The following SYTL2 variants were observed in gnomAD, a reference collection of about 807,000 sequenced individuals.
SYTL2 encodes the protein synaptotagmin-like protein 2.
A neutral mutation model predicts 198.7 loss-of-function variants in SYTL2; 165 were observed. The observed-to-expected ratio is 0.83, with a 90% CI of 0.73 to 0.94. SYTL2 has a LOEUF of 0.94. SYTL2 is among the 40% of genes least tolerant of loss of function. The pLI, the probability that SYTL2 is intolerant of heterozygous loss-of-function variation, is 0.00. For synonymous variants in SYTL2, 966 were observed against 917.7 expected (o/e 1.05, Z -0.95); for missense variants, 2,835 against 2,582.8 (o/e 1.10, Z -2.12).
chr11:85,777,324 A>G (rs545889899), intron 1 of SYTL2, among the ~76,000 whole-genome samples: 107 of 152,318 alleles, frequency 7.0e-4, no homozygotes, highest in Non-Finnish European at 1.1e-3. Context: ...GGTGAAAACA[A>G]CTAATCTTGG....
intron 1 of SYTL2, among the ~76,000 whole-genome samples, chr11:85,776,939 G>A (rs189863665): frequency 6.6e-6 from 1 of 152,286 alleles, no homozygotes; most frequent in Admixed American, 6.5e-5. Flanking sequence ...GAGGGGTAGT[G>A]AAGAGATCAG....
the SYTL2 span, chr11:85,852,946 C>T: frequency 5.5e-5 from 17 of 306,900 alleles, no homozygotes; most frequent in African/African-American, 2.1e-4. Flanking sequence ...TCTACCCGGC[C>T]GCCCCGTCTG....
chr11:85,815,720 G>A (rs1291469214), upstream of SYTL2, among the ~76,000 whole-genome samples: 2 of 152,156 alleles, frequency 1.3e-5, no homozygotes, highest in African/African-American at 2.4e-5. Flanking sequence ...CAAAGTCAAG[G>A]TTAGGACCCA....
the SYTL2 span, among the ~76,000 whole-genome samples, chr11:85,846,689 A>G: frequency 1.3e-5 from 2 of 149,394 alleles, no homozygotes; most frequent in Non-Finnish European, 3.0e-5. Flanking sequence ...AGCCTCCCAA[A>G]GTGCTGGGAT....
intron 17 of SYTL2, among the ~76,000 whole-genome samples, chr11:85,699,964 A>C (rs2084008718): frequency 6.6e-6 from 1 of 152,220 alleles, no homozygotes. Flanking sequence ...AAGAACACTC[A>C]GGTTCTATTC....
At chr11:85,803,911 G>A (rs576218540) in intron 1 of SYTL2, among the ~76,000 whole-genome samples, 1 of 152,192 alleles carries the variant, frequency 6.6e-6, no homozygotes, top group Non-Finnish European at 1.5e-5. Context: ...CACAGAGTAT[G>A]CACTAGATAG....
At chr11:85,747,643 C>T (rs1410789405) in intron 3 of SYTL2, among the ~76,000 whole-genome samples, 1 of 152,114 alleles carries the variant, frequency 6.6e-6, no homozygotes, top group East Asian at 1.9e-4. Flanking sequence ...TTTAAAACTC[C>T]TGTGTTAGCT....
At chr11:85,744,186 A>G (rs975422102) in intron 4 of SYTL2, among the ~76,000 whole-genome samples, 1 of 152,124 alleles carries the variant, frequency 6.6e-6, no homozygotes, top group Non-Finnish European at 1.5e-5. Flanking sequence ...GCAAGAGCTC[A>G]TGCTTCCATT....
intron 1 of SYTL2, among the ~76,000 whole-genome samples, chr11:85,806,621 T>C (rs1337430541): frequency 2.0e-5 from 3 of 152,194 alleles, no homozygotes; most frequent in Admixed American, 6.5e-5. Context: ...CTGTGGATCA[T>C]GTGTTCTGCA....
At chr11:85,839,743 A>G in the SYTL2 span, among the ~76,000 whole-genome samples, 2 of 152,218 alleles carry the variant, frequency 1.3e-5, no homozygotes, top group African/African-American at 4.8e-5. Flanking sequence ...TGCAGTAAAC[A>G]TAAGAGTGTA....
At chr11:85,741,537 T>C (rs1326499969) in intron 4 of SYTL2, among the ~76,000 whole-genome samples, 1 of 152,192 alleles carries the variant, frequency 6.6e-6, no homozygotes, top group African/African-American at 2.4e-5. Context: ...AAGAGTTCAA[T>C]ATAAATGACT....
rs549125183 is a variant in SYTL2, at chr11:85,728,759, A to G, written c.1391-792T>C. Among the ~76,000 whole-genome samples the G allele has an allele frequency of 2.9e-4, 44 of 152,330 alleles. 1 individual carries two copies. Among genetic ancestry groups the G allele is most frequent in the Admixed American group, 9.8e-4 (15 of 15,310 alleles). ...GAGAAGCACAGACTTAAGTGATTTC[A>G]GGAGTTAGAAAAATAACTTTCAAAT... On this transcript the variant is annotated intron_variant, in intron 7 of 19. Transcript: ENST00000359152.
At chr11:85,707,862 C>A (rs1015275967) in intron 14 of SYTL2, among the ~76,000 whole-genome samples, 2 of 150,602 alleles carry the variant, frequency 1.3e-5, no homozygotes, top group South Asian at 2.1e-4. Context: ...GTAATCCCAG[C>A]ACTCTGGGAG....
At chr11:85,772,100 C>T (rs554401968) in intron 1 of SYTL2, among the ~76,000 whole-genome samples, 7 of 152,158 alleles carry the variant, frequency 4.6e-5, no homozygotes, top group Non-Finnish European at 1.0e-4. Context: ...GACAAGGTTT[C>T]GTCACACTGC....
At chr11:85,773,961 G>T (rs1220183522) in intron 1 of SYTL2, among the ~76,000 whole-genome samples, 2 of 151,910 alleles carry the variant, frequency 1.3e-5, no homozygotes, top group South Asian at 2.1e-4. Flanking sequence ...CAGCTATGTG[G>T]TTTTTTCTTT....
At chr11:85,821,366 GA>G in the SYTL2 span, among the ~76,000 whole-genome samples, 3,216 of 152,240 alleles carry the variant, frequency 0.021, 123 homozygotes, top group African/African-American at 0.072. Flanking sequence ...TCAAAAAAGG[GA>G]AAGGTGAGAC....
At chr11:85,741,651 C>G (rs2090795600) in intron 4 of SYTL2, among the ~76,000 whole-genome samples, 1 of 152,108 alleles carries the variant, frequency 6.6e-6, no homozygotes, top group South Asian at 2.1e-4. Context: ...CTCATCTCTA[C>G]CCTGCCTTTG....
intron 2 of SYTL2, among the ~76,000 whole-genome samples, chr11:85,757,340 G>A (rs1333026662): frequency 1.3e-5 from 2 of 152,088 alleles, no homozygotes; most frequent in Admixed American, 6.5e-5. Flanking sequence ...AAATGTAGAT[G>A]TATGTGGTTG....
intron 2 of SYTL2, among the ~76,000 whole-genome samples, chr11:85,749,396 A>G (rs1479115528): frequency 6.6e-6 from 1 of 152,176 alleles, no homozygotes; most frequent in Non-Finnish European, 1.5e-5. Flanking sequence ...ACTAATATGC[A>G]CTCTTCCTCA....
Sources: allele counts gnomAD v4.1 joint callset (sites outside exome capture counted in the v4.1 genomes callset), GRCh38; gene constraint gnomAD v4.1.1; transcripts MANE v1.5; gene names NCBI Gene and HGNC (gene_info 2026-07-23, HGNC 2026-07-21).